ASTN1: variants seen among roughly 807,000 people sequenced by gnomAD.
The protein encoded by ASTN1 is astrotactin 1.
A neutral mutation model predicts 140.7 loss-of-function variants in ASTN1; 41 were observed. The ratio of observed to expected loss-of-function variants is 0.29; its 90% CI spans 0.23 to 0.38. The LOEUF (loss-of-function observed/expected upper bound fraction) is 0.38, where lower values mean the gene tolerates loss of function less well. Ranked by LOEUF, ASTN1 falls within the 10% of genes least tolerant of loss-of-function variation. The pLI is 1.00. For missense variants in ASTN1, 1,479 were observed against 1,678.8 expected (o/e 0.88, Z 2.08); for synonymous variants, 640 against 652.2 (o/e 0.98, Z 0.29).
chr1:176,897,567 G>A (rs1669572098), intron 16 of ASTN1, among the ~76,000 whole-genome samples: 1 of 149,396 alleles, frequency 6.7e-6, no homozygotes, highest in South Asian at 2.1e-4. Context: ...TCGTGAGCGG[G>A]AGGAAAAAAA....
intron 8 of ASTN1, among the ~76,000 whole-genome samples, chr1:176,991,579 G>A (rs926757013): frequency 1.3e-5 from 2 of 152,242 alleles, no homozygotes; most frequent in South Asian, 2.1e-4. Context: ...CGACCTGATC[G>A]CTCGATAATT....
intron 1 of ASTN1, among the ~76,000 whole-genome samples, chr1:177,093,926 C>T (rs1355418752): frequency 2.6e-5 from 4 of 151,816 alleles, no homozygotes; most frequent in Admixed American, 2.6e-4. Flanking sequence ...TGTTTTGGGG[C>T]TTATGTTTTG....
At chr1:176,903,499 G>T (rs542069336) in intron 16 of ASTN1, among the ~76,000 whole-genome samples, 1 of 152,120 alleles carries the variant, frequency 6.6e-6, no homozygotes, top group South Asian at 2.1e-4. Flanking sequence ...CCTAGCACTC[G>T]GTACTCTGCA....
At chr1:177,142,909 GGA>G (rs145330613) in intron 1 of ASTN1, among the ~76,000 whole-genome samples, 19,630 of 146,488 alleles carry the variant, frequency 0.13, 2,592 homozygotes, top group African/African-American at 0.36. Context: ...AAAAAGGGGG[GGA>G]GGGGTGCTGA....
At chr1:176,966,987 T>A (rs1672920538) in intron 8 of ASTN1, among the ~76,000 whole-genome samples, 1 of 152,186 alleles carries the variant, frequency 6.6e-6, no homozygotes, top group Admixed American at 6.5e-5. Flanking sequence ...AAAATATTGA[T>A]AGTGTTGGAA....
At chr1:176,935,633 T>A (rs372138621) in intron 15 of ASTN1, among the ~76,000 whole-genome samples, 3 of 152,174 alleles carry the variant, frequency 2.0e-5, no homozygotes, top group African/African-American at 7.2e-5. Flanking sequence ...CCATTTATCT[T>A]CCTCCCATTG....
At chr1:176,922,003 A>C (rs1157641070) in intron 16 of ASTN1, among the ~76,000 whole-genome samples, 2 of 152,212 alleles carry the variant, frequency 1.3e-5, no homozygotes, top group African/African-American at 4.8e-5. Flanking sequence ...TACATGGTAA[A>C]ATGCATTGCA....
At chr1:176,953,288 A>G (rs1672268168) in intron 11 of ASTN1, among the ~76,000 whole-genome samples, 1 of 152,212 alleles carries the variant, frequency 6.6e-6, no homozygotes, top group Non-Finnish European at 1.5e-5. Context: ...AGAGATAAAT[A>G]CATGAACATA....
intron 1 of ASTN1, among the ~76,000 whole-genome samples, chr1:177,146,357 C>T (rs561359578): frequency 1.6e-4 from 24 of 152,254 alleles, no homozygotes; most frequent in African/African-American, 3.1e-4. Flanking sequence ...TTTAATACAA[C>T]GCCAAAACTC....
chr1:176,970,584 T>C (rs1333706851), intron 8 of ASTN1, among the ~76,000 whole-genome samples: 1 of 151,034 alleles, frequency 6.6e-6, no homozygotes, highest in Non-Finnish European at 1.5e-5. Flanking sequence ...GGTAGGTAGG[T>C]AGGTAGATAG....
chr1:177,120,708 G>T lies in ASTN1; in HGVS notation c.283+43686C>A, dbSNP rs371109238. 2.8e-4 allele frequency among the ~76,000 whole-genome samples: 43 copies of T among 152,216 alleles called. 1 individual carries two copies. In the South Asian group the frequency reaches 8.9e-3, roughly 32 times the overall value. On this transcript the variant is annotated intron_variant, in intron 1 of 22. Coordinates refer to ENST00000361833, the MANE Select transcript of ASTN1 (RefSeq NM_004319.3). ...TCTCACTCAAACAGGCTGTCTCCCG[G>T]TTTTTCTGCCTACATTGGTATTCGC...
chr1:177,133,988 C>T (rs1178670548), intron 1 of ASTN1, among the ~76,000 whole-genome samples: 1 of 152,138 alleles, frequency 6.6e-6, no homozygotes, highest in African/African-American at 2.4e-5. Flanking sequence ...CTGTGTTATG[C>T]CTACAGTAGT....
intron 1 of ASTN1, among the ~76,000 whole-genome samples, chr1:177,154,532 C>A (rs943520220): frequency 3.0e-4 from 45 of 152,184 alleles, no homozygotes; most frequent in African/African-American, 1.0e-3. Flanking sequence ...TATATTTATA[C>A]TAAGTAGTAT....
At chr1:177,073,435 C>CT (rs1219009314) in intron 1 of ASTN1, among the ~76,000 whole-genome samples, 1 of 151,866 alleles carries the variant, frequency 6.6e-6, no homozygotes, top group East Asian at 1.9e-4. Context: ...GTTTGAAAAA[C>CT]TTTGAGTCCT....
intron 16 of ASTN1, among the ~76,000 whole-genome samples, chr1:176,902,533 G>A (rs78818571): frequency 0.027 from 4,076 of 152,262 alleles, 165 homozygotes; most frequent in African/African-American, 0.09. Flanking sequence ...GTTAAACTGA[G>A]GTTTTGGTGT....
chr1:176,965,380 G>T, intron 8 of ASTN1, 143 bp from the exon 9 acceptor site: 1 of 646,244 alleles, frequency 1.5e-6, no homozygotes, highest in Non-Finnish European at 2.7e-6. Context: ...ACTAATATGA[G>T]CTCACACATG....
chr1:177,022,167 G>T (rs183636397), intron 7 of ASTN1, among the ~76,000 whole-genome samples: 2 of 152,058 alleles, frequency 1.3e-5, no homozygotes, highest in East Asian at 1.9e-4. Context: ...CAGAAGTAAG[G>T]GCTAGATATC....
intron 17 of ASTN1, among the ~76,000 whole-genome samples, chr1:176,892,239 C>T (rs866804450): frequency 1.3e-5 from 2 of 151,896 alleles, no homozygotes; most frequent in South Asian, 2.1e-4. Context: ...TACTTTGATG[C>T]CAAATTATCT....
intron 22 of ASTN1, among the ~76,000 whole-genome samples, chr1:176,867,754 A>G (rs562340157): frequency 2.0e-5 from 3 of 152,230 alleles, no homozygotes; most frequent in Non-Finnish European, 2.9e-5. Flanking sequence ...GGGAAAGTTT[A>G]TAACTGCAAG....
Sources: gnomAD v4.1 joint callset for allele counts (sites outside exome capture counted in the v4.1 genomes callset) on GRCh38, gnomAD v4.1.1 for gene constraint, MANE v1.5 for transcripts, NCBI Gene and HGNC (gene_info 2026-07-23, HGNC 2026-07-21) for gene names.